Variants in VPS41 observed in about 807,000 individuals in gnomAD.
VPS41 encodes vacuolar protein sorting-associated protein 41 homolog.
VPS41 carries 85 observed loss-of-function variants against 130.9 expected under a neutral mutation model. The observed-to-expected ratio is 0.65, with a 90% CI of 0.55 to 0.78. The LOEUF is 0.78. Ranked by LOEUF, VPS41 falls within the 30% of genes least tolerant of loss-of-function variation. VPS41 has a pLI of 0.00. For missense variants in VPS41, 874 were observed against 1,018.7 expected, an observed-to-expected ratio of 0.86 and a Z score of 1.93; for synonymous variants, 335 against 332.9, an observed-to-expected ratio of 1.01 and a Z score of -0.07.
At chr7:38,758,985 G>A (rs779058438) in intron 17 of VPS41, among the ~76,000 whole-genome samples, 2 of 152,150 alleles carry the variant, frequency 1.3e-5, no homozygotes, top group Admixed American at 6.5e-5. Flanking sequence ...TAATCCATTT[G>A]GCTGTTCATC....
intron 1 of VPS41, among the ~76,000 whole-genome samples, chr7:38,908,517 GTA>G (rs10568858): frequency 0.26 from 39,028 of 151,960 alleles, 6,398 homozygotes; most frequent in Non-Finnish European, 0.38. Context: ...CTAACTTTGT[GTA>G]TAAACTCCTC....
intron 2 of VPS41, among the ~76,000 whole-genome samples, chr7:38,881,647 C>T (rs1387862123): frequency 3.9e-5 from 6 of 151,990 alleles, no homozygotes; most frequent in Non-Finnish European, 7.4e-5. Context: ...AATATTGATC[C>T]CTGTGAGGAC....
chr7:38,819,424 G>T (rs758749435), intron 6 of VPS41, among the ~76,000 whole-genome samples: 1 of 152,086 alleles, frequency 6.6e-6, no homozygotes, highest in Non-Finnish European at 1.5e-5. Context: ...CCCAGGACAC[G>T]GCCCCTCTCT....
rs1357334179 is a variant in VPS41 at position 38,752,208 on chromosome 7, G to A, written c.1894C>T (p.Leu632Phe). The A allele has an allele frequency of 6.2e-7, 1 of 1,613,974 alleles. No homozygotes were observed. The highest frequency in any genetic ancestry group is 1.1e-5 in the South Asian group (1 of 91,078). The change falls in exon 22 of 29, where the codon CTC (leucine) becomes TTC (phenylalanine). Residue 632 changes from leucine to phenylalanine, a missense_variant. Coordinates refer to ENST00000310301, the MANE Select transcript of VPS41 (RefSeq NM_014396.4). ...EYDRPNLLPF[L>F]RDSTHCPLEK... Reference sequence around the variant, plus strand: ...AGTGGGCAATGGGTACTGTCTCGGAGAAAGGGAAGTAAGTTTGGTCGATCA... The same window carrying A: ...AGTGGGCAATGGGTACTGTCTCGGAAAAAGGGAAGTAAGTTTGGTCGATCA...
intron 17 of VPS41, among the ~76,000 whole-genome samples, chr7:38,758,787 C>T (rs561957336): frequency 6.6e-6 from 1 of 152,324 alleles, no homozygotes; most frequent in South Asian, 2.1e-4. Context: ...CTGAAGGTTA[C>T]ACCGATCACC....
chr7:38,823,088 G>A (rs1364681714), intron 5 of VPS41, among the ~76,000 whole-genome samples: 1 of 152,146 alleles, frequency 6.6e-6, no homozygotes, highest in Non-Finnish European at 1.5e-5. Context: ...CAAATTCACT[G>A]TGTTGAAACC....
intron 2 of VPS41, among the ~76,000 whole-genome samples, chr7:38,892,817 T>G (rs1245924444): frequency 3.9e-5 from 6 of 152,184 alleles, no homozygotes; most frequent in Non-Finnish European, 8.8e-5. Flanking sequence ...CTCATTTTAC[T>G]GTAACAAAGC....
At chr7:38,880,452 T>C (rs1299049627) in intron 2 of VPS41, among the ~76,000 whole-genome samples, 1 of 152,118 alleles carries the variant, frequency 6.6e-6, no homozygotes, top group Admixed American at 6.5e-5. Flanking sequence ...GCCAAGAACC[T>C]CTCCTGGATG....
intron 25 of VPS41, among the ~76,000 whole-genome samples, chr7:38,731,996 G>T (rs563325268): frequency 1.3e-3 from 201 of 152,232 alleles, no homozygotes; most frequent in African/African-American, 4.7e-3. Context: ...TATACAGCTG[G>T]CTGGGGCTCA....
chr7:38,787,974 C>T (rs1415039054), intron 10 of VPS41, among the ~76,000 whole-genome samples: 1 of 152,118 alleles, frequency 6.6e-6, no homozygotes, highest in Non-Finnish European at 1.5e-5. Flanking sequence ...AACCACACTG[C>T]AATAATGTGA....
intron 7 of VPS41, among the ~76,000 whole-genome samples, chr7:38,800,010 T>C (rs1230178167): frequency 6.6e-6 from 1 of 152,124 alleles, no homozygotes; most frequent in African/African-American, 2.4e-5. Flanking sequence ...GAGGATCATT[T>C]GGCATCATGG....
At chr7:38,780,650 A>G (rs763365926) in intron 10 of VPS41, among the ~76,000 whole-genome samples, 13 of 152,154 alleles carry the variant, frequency 8.5e-5, no homozygotes, top group Non-Finnish European at 1.9e-4. Context: ...CCCCATGGAA[A>G]TATAATGTGG....
intron 4 of VPS41, among the ~76,000 whole-genome samples, chr7:38,855,956 G>A (rs1584430043): frequency 6.6e-6 from 1 of 152,204 alleles, no homozygotes; most frequent in East Asian, 1.9e-4. Context: ...CCTAGTTTTG[G>A]AGACTGGAGG....
chr7:38,817,939 G>T, intron 6 of VPS41, 57 bp from the exon 7 acceptor site: 1 of 1,326,826 alleles, frequency 7.5e-7, no homozygotes, highest in South Asian at 1.2e-5. Flanking sequence ...TGCACAGAAT[G>T]AAAACCCCTG....
chr7:38,737,666 G>C (rs540496260), intron 25 of VPS41, among the ~76,000 whole-genome samples: 21 of 152,264 alleles, frequency 1.4e-4, no homozygotes, highest in African/African-American at 1.7e-4. Flanking sequence ...ATTCTGCCAA[G>C]TGTAAAAGGA....
chr7:38,877,594 C>T (rs769411326), intron 2 of VPS41, among the ~76,000 whole-genome samples: 6 of 152,036 alleles, frequency 3.9e-5, no homozygotes, highest in Non-Finnish European at 8.8e-5. Context: ...AGATTAAATG[C>T]CTCTCGAGCA....
chr7:38,794,344 T>G (rs1784583129), intron 9 of VPS41, among the ~76,000 whole-genome samples: 1 of 152,170 alleles, frequency 6.6e-6, no homozygotes, highest in African/African-American at 2.4e-5. Context: ...AAAAAGAACC[T>G]GAATGATAAC....
At chr7:38,857,612 A>C (rs930354538) in intron 4 of VPS41, among the ~76,000 whole-genome samples, 1 of 152,244 alleles carries the variant, frequency 6.6e-6, no homozygotes, top group Non-Finnish European at 1.5e-5. Flanking sequence ...TTAAAGAAAA[A>C]GTAACTACAG....
intron 24 of VPS41, 49 bp from the exon 25 acceptor site, chr7:38,742,170 C>T (rs372979634): frequency 6.0e-6 from 9 of 1,510,292 alleles, no homozygotes; most frequent in African/African-American, 1.4e-5. Flanking sequence ...CATTATAATG[C>T]AATTTTATTT....
Sources: allele counts gnomAD v4.1 joint callset (sites outside exome capture counted in the v4.1 genomes callset), GRCh38; gene constraint gnomAD v4.1.1; transcripts MANE v1.5; gene names NCBI Gene and HGNC (gene_info 2026-07-23, HGNC 2026-07-21).